NOL9: variants seen among roughly 807,000 people sequenced by gnomAD.
NOL9 encodes the protein polynucleotide 5'-hydroxyl-kinase NOL9.
Under a neutral mutation model 67.9 loss-of-function variants are expected in NOL9, and 28 were observed. The observed-to-expected ratio is 0.41, with a 90% CI of 0.31 to 0.57. The LOEUF is 0.57. Ranked by LOEUF, NOL9 falls within the 20% of genes least tolerant of loss-of-function variation. The pLI is 0.25. For synonymous variants in NOL9, 356 were observed against 352.2 expected (o/e 1.01, Z -0.12); for missense variants, 777 against 897.0 (o/e 0.87, Z 1.71).
rs779204599 is a variant in NOL9, at chr1:6,532,556, G to A, written c.1442C>T (p.Ala481Val). The A allele has an allele frequency of 5.0e-6, 8 of 1,614,156 alleles. 1 individual carries two copies. In the South Asian group the frequency reaches 7.7e-5, roughly 16 times the overall value. Reference sequence around the variant, plus strand: ...AACTGGACTCTCTTTTTCTTCATCAGCAAATTCCAAAGCATCTGCAAATGC... The same window carrying A: ...AACTGGACTCTCTTTTTCTTCATCAACAAATTCCAAAGCATCTGCAAATGC... ...LAAFADALEF[A>V]DEEKESPVEF... Residue 481 changes from alanine to valine, a missense_variant, in exon 8 of 12, where the codon GCT becomes GTT. Transcript: ENST00000377705.
At position 6,521,718 on chromosome 1, in the gene NOL9, G is replaced by C. The variant is rs1638774077; in HGVS notation, c.*4136C>G. On this transcript the variant is annotated 3_prime_UTR_variant, in exon 12 of 12. Coordinates refer to ENST00000377705, the MANE Select transcript of NOL9 (RefSeq NM_024654.5). ...GTAGCTGTGGATTCATTTAGTTTCT[G>C]CATCCCTCCAGCATGACCGTGAGTA... 1 of 152,146 alleles carries C rather than the reference G, an allele frequency of 6.6e-6. No homozygotes were observed. The highest frequency in any genetic ancestry group is 2.1e-4 in the South Asian group (1 of 4,818). The allele number at this position is 152,146 out of a possible 1,614,324, so 9.4% of individuals were successfully genotyped here.
intron 3 of NOL9, among the ~76,000 whole-genome samples, chr1:6,547,292 T>A (rs1639439744): frequency 6.6e-6 from 1 of 152,138 alleles, no homozygotes; most frequent in Non-Finnish European, 1.5e-5. Flanking sequence ...CCAGCTGATG[T>A]CTACCAGGCA....
chr1:6,541,010 C>CTTTTTTTTTTTTTTTT lies in NOL9; in HGVS notation c.1075+819_1075+820insAAAAAAAAAAAAAAAA, dbSNP rs1287698159. 6 of 123,092 alleles carry CTTTTTTTTTTTTTTTT rather than the reference C, an allele frequency of 4.9e-5. 3 individuals carry two copies. Among genetic ancestry groups the CTTTTTTTTTTTTTTTT allele is most frequent in the African/African-American group, 6.1e-5 (2 of 32,590 alleles). The allele number at this position is 123,092 out of a possible 1,614,324, so 7.6% of individuals were successfully genotyped here. ...ATAAAATCTGTAGACTGGTTAACAG[C>CTTTTTTTTTTTTTTTT]GTTTTTTTTTTTTTTTTTTTTTTTG... On this transcript the variant is annotated intron_variant, in intron 6 of 11. Coordinates refer to ENST00000377705, the MANE Select transcript of NOL9 (RefSeq NM_024654.5).
At position 6,532,660 on chromosome 1, in the gene NOL9, G is replaced by A; in HGVS notation, c.1338C>T (p.Thr446=). 2 of 1,614,138 alleles carry A rather than the reference G, an allele frequency of 1.2e-6. No homozygotes were observed. Among genetic ancestry groups the A allele is most frequent in the Non-Finnish European group, 1.7e-6 (2 of 1,180,034 alleles). ...SDHSKYMPDL[T]PQYVDDMDGL... is the part of the protein sequence containing the mutation. ...CATCCATGTCATCTACATACTGCGG[G>A]GTAAGGTCTGGCATATATTTACTGT... Residue 446 remains threonine (T), a synonymous_variant, in exon 8 of 12, where the codon ACC becomes ACT. Transcript: ENST00000377705.
chr1:6,534,795 TTCTC>T (rs1639112501), intron 6 of NOL9, among the ~76,000 whole-genome samples: 1 of 151,910 alleles, frequency 6.6e-6, no homozygotes, highest in East Asian at 1.9e-4. Flanking sequence ...CTCTCTCTCT[TTCTC>T]TCTTTTTTCT....
Position 6,532,536 on chromosome 1 carries a change from GA to G in NOL9, c.1461del (p.Pro488GlnfsTer9). The G allele has an allele frequency of 6.2e-7, 1 of 1,614,186 alleles. No individual in the cohort carries two copies. Among genetic ancestry groups the G allele is most frequent in the Non-Finnish European group, 8.5e-7 (1 of 1,180,018 alleles). ...AGTTTATGTCCAGTGAACTCAACTG[GA>G]CTCTCTTTTTCTTCATCAGCAAATT... ...ALEFADEEKE[S>X]PVEFTGHKLI... is the part of the protein sequence containing the mutation. On this transcript the variant is annotated frameshift_variant, in exon 8 of 12. Coordinates refer to ENST00000377705, the MANE Select transcript of NOL9 (RefSeq NM_024654.5). LOFTEE classifies it high-confidence loss of function.
At chr1:6,539,667 T>A (rs1557788359) in intron 6 of NOL9, among the ~76,000 whole-genome samples, 1 of 141,728 alleles carries the variant, frequency 7.1e-6, no homozygotes, top group African/African-American at 2.6e-5. Flanking sequence ...GTATTTTTTT[T>A]AATAGGGACT....
At chr1:6,534,340 C>G (rs1263273992) in intron 6 of NOL9, among the ~76,000 whole-genome samples, 3 of 152,354 alleles carry the variant, frequency 2.0e-5, no homozygotes, top group African/African-American at 7.2e-5. Context: ...TGCGTTCACA[C>G]TCCTAATCAT....
chr1:6,549,094 C>CA (rs1259714181), intron 3 of NOL9, among the ~76,000 whole-genome samples: 99 of 151,154 alleles, frequency 6.5e-4, no homozygotes, highest in African/African-American at 2.3e-3. Flanking sequence ...AAACAAAGAA[C>CA]AAAAAAACAA....
At chr1:6,542,441 G>C (rs1006343643) in intron 5 of NOL9, among the ~76,000 whole-genome samples, 2 of 143,158 alleles carry the variant, frequency 1.4e-5, no homozygotes, top group African/African-American at 5.1e-5. Flanking sequence ...GGGATTATAG[G>C]CCTGAGGCAC....
intron 5 of NOL9, among the ~76,000 whole-genome samples, chr1:6,542,324 C>G (rs1639313301): frequency 6.6e-6 from 1 of 151,662 alleles, no homozygotes; most frequent in Non-Finnish European, 1.5e-5. Flanking sequence ...CCATGCCCGG[C>G]TAATTTTTGT....
rs1220210956 is a variant in NOL9 at position 6,525,986 on chromosome 1, T to G, written c.1977A>C (p.Thr659=). 6.2e-7 allele frequency: 1 copy of G among 1,614,014 alleles called. No individual in the cohort carries two copies. ...VLKCQRGIEG[T]VPYVTTDYNF... ...TGTAATCCGTTGTGACATAAGGTAC[T>G]GTCCCTTCGATCCCACGCTGAAACG... Residue 659 remains threonine, a synonymous_variant, in exon 12 of 12, where the codon ACA becomes ACC. Transcript: ENST00000377705.
Position 6,526,722 on chromosome 1 carries a change from T to G in NOL9, c.1933A>C (p.Ile645Leu), listed in dbSNP as rs759603807. The change falls in exon 11 of 12, where the codon ATT (isoleucine) becomes CTT (leucine). Residue 645 changes from isoleucine to leucine, a missense_variant. Coordinates refer to ENST00000377705, the MANE Select transcript of NOL9 (RefSeq NM_024654.5). ...TGGCACTTAAGGACACAATGTGGAA[T>G]GGCAATAGCTCCAACGAGCAGACAA... The part of the protein sequence containing the change: ...VNCLLVGAIA[I>L]PHCVLKCQRG... The G allele has an allele frequency of 6.2e-6, 10 of 1,613,558 alleles. No individual in the cohort carries two copies. In the South Asian group the frequency reaches 1.1e-4, roughly 18 times the overall value.
At chr1:6,549,335 A>C (rs1321197359) in intron 3 of NOL9, 1 of 407,188 alleles carries the variant, frequency 2.5e-6, no homozygotes, top group Non-Finnish European at 4.4e-6. Flanking sequence ...CCCAAAAAGC[A>C]CTTAACCAAC....
chr1:6,536,433 G>GAGGT (rs371165911), intron 6 of NOL9, among the ~76,000 whole-genome samples: 4 of 152,190 alleles, frequency 2.6e-5, no homozygotes, highest in African/African-American at 9.6e-5. Flanking sequence ...TACTCAAAGT[G>GAGGT]AGGTAGGAGG....
chr1:6,542,678 C>T (rs1002880855), intron 5 of NOL9, among the ~76,000 whole-genome samples: 12 of 151,422 alleles, frequency 7.9e-5, no homozygotes, highest in Admixed American at 3.9e-4. Context: ...AGGATGGTCT[C>T]GATCTCCTGA....
intron 1 of NOL9, among the ~76,000 whole-genome samples, chr1:6,553,838 T>C (rs551371136): frequency 2.5e-5 from 3 of 118,250 alleles, no homozygotes; most frequent in African/African-American, 8.6e-5. Flanking sequence ...TGAGACTCTG[T>C]CTCAAAAAGA....
At chr1:6,551,798 G>A (rs557666557) in intron 1 of NOL9, among the ~76,000 whole-genome samples, 15 of 152,022 alleles carry the variant, frequency 9.9e-5, no homozygotes, top group African/African-American at 1.4e-4. Context: ...TTGGGAGGCC[G>A]AGGCGGGTGG....
At position 6,526,753 on chromosome 1, in the gene NOL9, G is replaced by A. The variant is rs113333559; in HGVS notation, c.1902C>T (p.Thr634=). The A allele has an allele frequency of 7.5e-5, 121 of 1,613,910 alleles. 1 individual carries two copies. The highest frequency in any genetic ancestry group is 6.5e-4 in the South Asian group (59 of 91,056). Residue 634 remains threonine, a synonymous_variant, in exon 11 of 12, where the codon ACC becomes ACT. Transcript: ENST00000377705. ...LTPVPPEELR[T]VNCLLVGAIA... ...TAGCTCCAACGAGCAGACAATTCAC[G>A]GTCCTTAGCTCTTCCGGGGGCACAG...
Sources: gnomAD v4.1 joint callset for allele counts (sites outside exome capture counted in the v4.1 genomes callset) on GRCh38, gnomAD v4.1.1 for gene constraint, MANE v1.5 for transcripts, NCBI Gene and HGNC (gene_info 2026-07-23, HGNC 2026-07-21) for gene names.